The following GALNT18 variants were observed in gnomAD, a reference collection of about 807,000 sequenced individuals.
GALNT18 encodes the protein GalNAc-transferase 18.
Under a neutral mutation model 69.5 loss-of-function variants are expected in GALNT18, and 44 were observed. That is an observed-to-expected ratio of 0.63 (90% CI 0.50 to 0.81). The LOEUF (loss-of-function observed/expected upper bound fraction) is 0.81. Among genes scored for constraint, GALNT18 ranks in the 40% least tolerant of loss-of-function variants. GALNT18 has a pLI of 0.00. For synonymous variants in GALNT18, 364 were observed against 318.2 expected (o/e 1.14, Z -1.53); for missense variants, 715 against 810.0 (o/e 0.88, Z 1.42).
chr11:11,468,313 T>C (rs1336964406), intron 1 of GALNT18, among the ~76,000 whole-genome samples: 7 of 152,146 alleles, frequency 4.6e-5, no homozygotes, highest in Non-Finnish European at 7.3e-5. Context: ...GGCAAGTTGT[T>C]GAGGGCTCCT....
At chr11:11,560,209 G>A (rs879305061) in intron 1 of GALNT18, among the ~76,000 whole-genome samples, 807 of 49,218 alleles carry the variant, frequency 0.016, no homozygotes, top group Middle Eastern at 0.038. Context: ...AGATAGAATA[G>A]AATGGAATAT....
intron 1 of GALNT18, among the ~76,000 whole-genome samples, chr11:11,571,196 C>T (rs1236659725): frequency 6.6e-6 from 1 of 152,222 alleles, no homozygotes. Flanking sequence ...TATCCAACAG[C>T]TCCTGGCTAG....
At chr11:11,291,791 C>G (rs1160277595) in intron 10 of GALNT18, among the ~76,000 whole-genome samples, 2 of 152,180 alleles carry the variant, frequency 1.3e-5, no homozygotes. Context: ...AGTCCATGAC[C>G]TTGTTTTGAA....
At chr11:11,530,850 C>G (rs1217467156) in intron 1 of GALNT18, among the ~76,000 whole-genome samples, 1 of 152,218 alleles carries the variant, frequency 6.6e-6, no homozygotes, top group African/African-American at 2.4e-5. Flanking sequence ...CTCCCACTTC[C>G]TGGCAAAAGT....
At chr11:11,429,718 T>C (rs1429039061) in intron 3 of GALNT18, among the ~76,000 whole-genome samples, 3 of 152,224 alleles carry the variant, frequency 2.0e-5, no homozygotes, top group East Asian at 3.8e-4. Context: ...CCAGAATCTA[T>C]GACTTCAGGC....
At position 11,271,025 on chromosome 11, in the gene GALNT18, T is replaced by G; in HGVS notation, c.*119A>C. 1.2e-6 allele frequency: 1 copy of G among 813,428 alleles called. No homozygotes were observed. The allele number at this position is 813,428 out of a possible 1,614,324, so 50.4% of individuals were successfully genotyped here. A position where few individuals can be genotyped will look rare whatever the true frequency, so the allele number is the denominator to read the frequency against. On this transcript the variant is annotated 3_prime_UTR_variant, in exon 11 of 11. Transcript: ENST00000227756. ...AAATTGAATAGGAAATAAAAAGCTC[T>G]TCTTGGGGGCCCACTAACCTGGTTC...
chr11:11,608,795 G>A (rs1264379803), intron 1 of GALNT18, among the ~76,000 whole-genome samples: 1 of 152,150 alleles, frequency 6.6e-6, no homozygotes, highest in African/African-American at 2.4e-5. Context: ...CACTCACTGA[G>A]ACGCTCAGGC....
chr11:11,526,599 T>C (rs981035949), intron 1 of GALNT18, among the ~76,000 whole-genome samples: 1 of 152,164 alleles, frequency 6.6e-6, no homozygotes, highest in Non-Finnish European at 1.5e-5. Context: ...CAAATACCGG[T>C]AGCTTATATC....
chr11:11,397,637 G>GT, intron 3 of GALNT18, among the ~76,000 whole-genome samples: 1 of 151,894 alleles, frequency 6.6e-6, no homozygotes, highest in Non-Finnish European at 1.5e-5. Flanking sequence ...CCAGATAATT[G>GT]TTTTTGTATT....
In GALNT18 at chr11:11,505,613, C is replaced by T. The variant is rs1857053612; in HGVS notation, c.236-56677G>A. Among the ~76,000 whole-genome samples the T allele has an allele frequency of 6.6e-6, 1 of 152,148 alleles. No homozygotes were observed. Among genetic ancestry groups the T allele is most frequent in the African/African-American group, 2.4e-5 (1 of 41,454 alleles). ...TGCCACATCATCTGGATTCAGTCTC[C>T]GACATCCCAATGAAAGCATTCTCAC... On this transcript the variant is annotated intron_variant, in intron 1 of 10. Transcript: ENST00000227756. The surrounding 1 kb of genome is among the most constrained non-coding windows in gnomAD (Gnocchi z 4.6).
At chr11:11,577,583 G>T (rs532787266) in intron 1 of GALNT18, among the ~76,000 whole-genome samples, 1 of 152,284 alleles carries the variant, frequency 6.6e-6, no homozygotes, top group East Asian at 1.9e-4. Context: ...AAACAAGGGG[G>T]CCTAAGTAAA....
chr11:11,575,674 C>T (rs887375200), intron 1 of GALNT18, among the ~76,000 whole-genome samples: 49 of 152,212 alleles, frequency 3.2e-4, no homozygotes, highest in African/African-American at 1.1e-3. Flanking sequence ...GTAAGCTGCT[C>T]CCCTTCCTCA....
intron 3 of GALNT18, among the ~76,000 whole-genome samples, chr11:11,420,919 T>C (rs1854990500): frequency 6.6e-6 from 1 of 150,492 alleles, no homozygotes; most frequent in Non-Finnish European, 1.5e-5. Flanking sequence ...AAGAAGGCCT[T>C]TTTTTTTTGT....
At chr11:11,274,505 G>T (rs536532898) in intron 10 of GALNT18, among the ~76,000 whole-genome samples, 2 of 152,260 alleles carry the variant, frequency 1.3e-5, no homozygotes, top group Non-Finnish European at 2.9e-5. Context: ...AGCTTGGTTG[G>T]GTGAGGGACA....
chr11:11,348,741 C>T (rs1277633721), intron 6 of GALNT18, among the ~76,000 whole-genome samples: 1 of 152,176 alleles, frequency 6.6e-6, no homozygotes, highest in African/African-American at 2.4e-5. Flanking sequence ...ACTGGAAATT[C>T]CCATGCCCCT....
chr11:11,326,033 C>T (rs897173253), intron 9 of GALNT18, among the ~76,000 whole-genome samples: 4 of 146,766 alleles, frequency 2.7e-5, no homozygotes, highest in African/African-American at 1.0e-4. Context: ...ATCTTACATG[C>T]TAAATATCTT....
chr11:11,353,251 CTGTG>C, intron 6 of GALNT18: 1 of 1,119,112 alleles, frequency 8.9e-7, no homozygotes, highest in Non-Finnish European at 1.3e-6. Flanking sequence ...GCGGCAGCGG[CTGTG>C]GCCGCTCTCC....
intron 1 of GALNT18, among the ~76,000 whole-genome samples, chr11:11,607,619 C>A (rs919254704): frequency 6.6e-6 from 1 of 152,152 alleles, no homozygotes; most frequent in African/African-American, 2.4e-5. Flanking sequence ...ATTGAATCTT[C>A]CTGACAATTG....
chr11:11,282,107 T>G (rs925423596), intron 10 of GALNT18, among the ~76,000 whole-genome samples: 1 of 152,158 alleles, frequency 6.6e-6, no homozygotes, highest in Admixed American at 6.5e-5. Context: ...AAAACAGAGA[T>G]AGCACTGGCC....
Sources: gnomAD v4.1 joint callset for allele counts (sites outside exome capture counted in the v4.1 genomes callset) on GRCh38, gnomAD v4.1.1 for gene constraint, Gnocchi (gnomAD v3.1) non-coding constraint, MANE v1.5 for transcripts, NCBI Gene and HGNC (gene_info 2026-07-23, HGNC 2026-07-21) for gene names.